The following LINGO2 variants were observed in gnomAD, a reference collection of about 807,000 sequenced individuals.
The protein encoded by LINGO2 is leucine rich repeat and Ig domain containing 2.
In LINGO2, 14 loss-of-function variants were observed where a neutral mutation model predicts 30.6. That is an observed-to-expected ratio of 0.46 (90% confidence interval 0.30 to 0.72). The LOEUF is 0.72. Ranked by LOEUF, LINGO2 falls within the 30% of genes least tolerant of loss-of-function variation. The pLI is 0.07. For missense variants in LINGO2, 729 were observed against 751.7 expected, an observed-to-expected ratio of 0.97 and a Z score of 0.35; for synonymous variants, 317 against 288.5, an observed-to-expected ratio of 1.10 and a Z score of -1.00.
the LINGO2 span, among the ~76,000 whole-genome samples, chr9:29,135,364 C>T: frequency 5.3e-5 from 8 of 152,050 alleles, no homozygotes; most frequent in South Asian, 6.2e-4. Flanking sequence ...TTGAGACCAT[C>T]CTGGCCAACA....
the LINGO2 span, among the ~76,000 whole-genome samples, chr9:28,795,589 A>G: frequency 2.6e-5 from 4 of 151,398 alleles, no homozygotes; most frequent in African/African-American, 9.7e-5. Context: ...TCTTTCATAT[A>G]TCCATATATA....
At chr9:28,623,435 T>C (rs2135837368) in intron 1 of LINGO2, among the ~76,000 whole-genome samples, 1 of 152,214 alleles carries the variant, frequency 6.6e-6, no homozygotes, top group South Asian at 2.1e-4. Context: ...CAATCATCAT[T>C]TATTGAAGAG....
chr9:29,206,842 T>C, the LINGO2 span, among the ~76,000 whole-genome samples: 3 of 152,152 alleles, frequency 2.0e-5, no homozygotes, highest in African/African-American at 4.8e-5. Context: ...CAACAATAAA[T>C]ATTTGCATAT....
At chr9:29,119,576 T>C in the LINGO2 span, among the ~76,000 whole-genome samples, 2 of 134,114 alleles carry the variant, frequency 1.5e-5, no homozygotes, top group South Asian at 2.5e-4. Context: ...ACAGTTGTCA[T>C]CTTTTTTTTT....
intron 4 of LINGO2, among the ~76,000 whole-genome samples, chr9:28,177,224 T>A (rs1225655080): frequency 6.6e-6 from 1 of 152,170 alleles, no homozygotes; most frequent in Non-Finnish European, 1.5e-5. Flanking sequence ...TAAAGGATGG[T>A]TTTTTTGAGT....
intron 2 of LINGO2, among the ~76,000 whole-genome samples, chr9:28,386,899 T>G (rs1012418860): frequency 4.6e-5 from 7 of 152,214 alleles, no homozygotes; most frequent in Non-Finnish European, 8.8e-5. Flanking sequence ...TTATTTCTAA[T>G]TTTTTAAAAT....
At chr9:28,749,607 A>G in the LINGO2 span, among the ~76,000 whole-genome samples, 12 of 152,144 alleles carry the variant, frequency 7.9e-5, no homozygotes, top group South Asian at 2.5e-3. Flanking sequence ...TATAAAAAAA[A>G]TTATCTCATA....
intron 4 of LINGO2, among the ~76,000 whole-genome samples, chr9:28,061,979 T>C (rs1358272435): frequency 2.0e-5 from 3 of 152,092 alleles, no homozygotes; most frequent in Non-Finnish European, 2.9e-5. Context: ...GAAATATATG[T>C]TTAGTTTTCA....
chr9:28,592,597 A>C (rs938488887), intron 1 of LINGO2, among the ~76,000 whole-genome samples: 1 of 152,078 alleles, frequency 6.6e-6, no homozygotes, highest in Admixed American at 6.6e-5. Context: ...ACATAGTCTT[A>C]TTGAGCCTTA....
intron 4 of LINGO2, among the ~76,000 whole-genome samples, chr9:28,244,981 C>T (rs1430459801): frequency 2.6e-5 from 4 of 152,114 alleles, no homozygotes; most frequent in African/African-American, 9.7e-5. Flanking sequence ...CTGATACCAA[C>T]ACCTGGCAGA....
At chr9:28,379,230 G>A (rs936966702) in intron 2 of LINGO2, among the ~76,000 whole-genome samples, 1 of 152,034 alleles carries the variant, frequency 6.6e-6, no homozygotes, top group Admixed American at 6.6e-5. Flanking sequence ...TTTTTCAGAT[G>A]AGAAGGCATT....
the LINGO2 span, among the ~76,000 whole-genome samples, chr9:29,081,398 C>A: frequency 6.6e-6 from 1 of 152,036 alleles, no homozygotes; most frequent in Non-Finnish European, 1.5e-5. Context: ...ATGCTATAAA[C>A]GCTCAATAAA....
chr9:28,053,249 AGG>A (rs1158084548), intron 4 of LINGO2, among the ~76,000 whole-genome samples: 1 of 152,052 alleles, frequency 6.6e-6, no homozygotes, highest in Non-Finnish European at 1.5e-5. Flanking sequence ...TTACATGACA[AGG>A]AGAGAGAGGG....
At chr9:29,066,227 G>A in the LINGO2 span, among the ~76,000 whole-genome samples, 2 of 151,816 alleles carry the variant, frequency 1.3e-5, no homozygotes, top group Admixed American at 1.3e-4. Flanking sequence ...ATAAACTGGG[G>A]GTGGGAACAC....
At chr9:28,177,397 C>T (rs992509603) in intron 4 of LINGO2, among the ~76,000 whole-genome samples, 1 of 152,122 alleles carries the variant, frequency 6.6e-6, no homozygotes, top group Non-Finnish European at 1.5e-5. Flanking sequence ...CGAATTTACG[C>T]CTTCTGATTT....
At chr9:28,628,186 C>T (rs892024701) in intron 1 of LINGO2, among the ~76,000 whole-genome samples, 10 of 152,078 alleles carry the variant, frequency 6.6e-5, no homozygotes, top group African/African-American at 2.4e-4. Flanking sequence ...GTACAATTCA[C>T]AGCTACTGAC....
chr9:28,011,146 G>C (rs1458985530), intron 5 of LINGO2, among the ~76,000 whole-genome samples: 3 of 152,170 alleles, frequency 2.0e-5, no homozygotes, highest in Non-Finnish European at 4.4e-5. Context: ...GGGTTCAAGA[G>C]AATGAGAAAG....
At chr9:28,019,853 C>T (rs528601897) in intron 4 of LINGO2, among the ~76,000 whole-genome samples, 1 of 152,092 alleles carries the variant, frequency 6.6e-6, no homozygotes, top group Admixed American at 6.5e-5. Flanking sequence ...GGCAAATTCC[C>T]CTTGCCTCCT....
intron 4 of LINGO2, among the ~76,000 whole-genome samples, chr9:28,028,431 G>A (rs1406422862): frequency 2.0e-5 from 3 of 152,066 alleles, no homozygotes; most frequent in Non-Finnish European, 4.4e-5. Context: ...TATAAAAGGT[G>A]GAAGTAGGAT....
Sources: allele counts gnomAD v4.1 joint callset (sites outside exome capture counted in the v4.1 genomes callset), GRCh38; gene constraint gnomAD v4.1.1; transcripts MANE v1.5; gene names NCBI Gene and HGNC (gene_info 2026-07-23, HGNC 2026-07-21).